Variants in CFDP1 observed in about 807,000 individuals in gnomAD.
CFDP1 encodes the protein chromatin remodeling protein CFDP1, also known as heterochromatin-stabilizing protein CFDP1.
CFDP1 carries 31 observed loss-of-function variants against 40.1 expected under a neutral mutation model. The observed-to-expected ratio is 0.77, with a 90% CI of 0.58 to 1.04. The LOEUF is 1.04. Among genes scored for constraint, CFDP1 ranks in the 50% least tolerant of loss-of-function variants. The probability of loss-of-function intolerance (pLI) is 0.00; values close to 1 mark genes in which losing one functional copy is unlikely to be tolerated. For synonymous variants in CFDP1, 167 were observed against 120.0 expected (o/e 1.39, Z -2.56); for missense variants, 423 against 343.4 (o/e 1.23, Z -1.83).
Position 75,310,135 on chromosome 16 carries a change from T to C in CFDP1, c.651-4953A>G, listed in dbSNP as rs145212247. ...CATTGCAACCACCTCCTCCTGAACA[T>C]CACATGACTTTGTTGACCTTACTAC... On this transcript the variant is annotated intron_variant, in intron 5 of 6. Coordinates refer to ENST00000283882, the MANE Select transcript of CFDP1 (RefSeq NM_006324.3). Among the ~76,000 whole-genome samples the C allele has an allele frequency of 3.7e-4, 57 of 152,310 alleles. 1 individual carries two copies. Among genetic ancestry groups the C allele is most frequent in the African/African-American group, 1.4e-3 (57 of 41,582 alleles).
intron 5 of CFDP1, among the ~76,000 whole-genome samples, chr16:75,370,845 G>C (rs1393640799): frequency 2.0e-5 from 3 of 152,110 alleles, no homozygotes. Flanking sequence ...CTGGGTGACA[G>C]AGCAAGACTG....
At chr16:75,346,577 T>C (rs2078566383) in intron 5 of CFDP1, among the ~76,000 whole-genome samples, 1 of 52,372 alleles carries the variant, frequency 1.9e-5, no homozygotes, top group Non-Finnish European at 3.3e-5. Flanking sequence ...AGCAAGACTC[T>C]GTCTCAAAAA....
intron 5 of CFDP1, among the ~76,000 whole-genome samples, chr16:75,324,478 A>C (rs1483420029): frequency 2.0e-5 from 3 of 152,180 alleles, no homozygotes; most frequent in Non-Finnish European, 2.9e-5. Flanking sequence ...GCGGTGGCTC[A>C]TGCCTGTAAT....
At chr16:75,399,114 G>C (rs1292034555) in intron 4 of CFDP1, among the ~76,000 whole-genome samples, 1 of 150,666 alleles carries the variant, frequency 6.6e-6, no homozygotes, top group Non-Finnish European at 1.5e-5. Context: ...CTTAGCCACT[G>C]TCTGATTACA....
At chr16:75,419,101 C>G (rs1419551486) in intron 1 of CFDP1, 1 of 383,892 alleles carries the variant, frequency 2.6e-6, no homozygotes, top group African/African-American at 2.1e-5. Flanking sequence ...AGGACGCCGA[C>G]TCATAAAAAA....
At chr16:75,374,895 G>T (rs2078780283) in intron 5 of CFDP1, among the ~76,000 whole-genome samples, 1 of 152,032 alleles carries the variant, frequency 6.6e-6, no homozygotes, top group Non-Finnish European at 1.5e-5. Context: ...CAGACTGGTG[G>T]CATTTCAAGT....
Position 75,395,980 on chromosome 16 carries a change from C to G in CFDP1, c.531-771G>C, listed in dbSNP as rs1286234020. Among the ~76,000 whole-genome samples, 2 of 113,610 alleles carry G rather than the reference C, an allele frequency of 1.8e-5. 1 individual carries two copies. Among genetic ancestry groups the G allele is most frequent in the Non-Finnish European group, 4.1e-5 (2 of 48,836 alleles). The allele number at this position is 113,610 out of a possible 152,430, so 74.5% of individuals were successfully genotyped here. A position where few individuals can be genotyped will look rare whatever the true frequency, so the allele number is the denominator to read the frequency against. On this transcript the variant is annotated intron_variant, in intron 4 of 6. Coordinates refer to ENST00000283882, the MANE Select transcript of CFDP1 (RefSeq NM_006324.3). ...TAGGCTTTCCAGGTTAACGAAAACA[C>G]CTGAGGAATGTTGTTTAAATGCAGT...
intron 6 of CFDP1, among the ~76,000 whole-genome samples, chr16:75,296,137 G>C (rs1183247758): frequency 6.6e-6 from 1 of 152,224 alleles, no homozygotes; most frequent in Non-Finnish European, 1.5e-5. Flanking sequence ...GGGTGTAAGA[G>C]GAATTTAGGG....
At chr16:75,418,551 C>T (rs985834689) in intron 1 of CFDP1, among the ~76,000 whole-genome samples, 4 of 151,940 alleles carry the variant, frequency 2.6e-5, no homozygotes, top group African/African-American at 7.2e-5. Context: ...CCTTGTGATC[C>T]GCCGACCTCG....
chr16:75,306,563 G>A (rs1200100926), intron 5 of CFDP1: 2 of 152,174 alleles, frequency 1.3e-5, no homozygotes, highest in African/African-American at 4.8e-5. Context: ...AGAATGGGCT[G>A]GGCAAGCTTC....
chr16:75,384,366 A>G (rs990786545), intron 5 of CFDP1, among the ~76,000 whole-genome samples: 8 of 152,206 alleles, frequency 5.3e-5, no homozygotes, highest in African/African-American at 1.9e-4. Context: ...ATCTCAAAAA[A>G]AAGAGAAAGA....
intron 6 of CFDP1, among the ~76,000 whole-genome samples, chr16:75,294,867 G>C (rs1332303016): frequency 6.6e-6 from 1 of 152,172 alleles, no homozygotes; most frequent in Non-Finnish European, 1.5e-5. Flanking sequence ...GGCAGGACGG[G>C]AAAGCAGCAA....
intron 5 of CFDP1, among the ~76,000 whole-genome samples, chr16:75,330,423 C>G (rs569031388): frequency 6.6e-5 from 10 of 152,274 alleles, no homozygotes; most frequent in African/African-American, 2.2e-4. Context: ...CCCATCTCTA[C>G]TAAAAATACA....
chr16:75,415,651 C>T (rs2151589844), intron 1 of CFDP1, among the ~76,000 whole-genome samples: 1 of 152,296 alleles, frequency 6.6e-6, no homozygotes, highest in Non-Finnish European at 1.5e-5. Context: ...TTCTTTTATT[C>T]AACATTATGT....
At chr16:75,348,406 C>G (rs1597346609) in intron 5 of CFDP1, among the ~76,000 whole-genome samples, 1 of 152,106 alleles carries the variant, frequency 6.6e-6, no homozygotes. Context: ...TACAACACTT[C>G]TGTAAATCTA....
At chr16:75,375,790 CA>C (rs564473644) in intron 5 of CFDP1, among the ~76,000 whole-genome samples, 128 of 125,614 alleles carry the variant, frequency 1.0e-3, no homozygotes, top group Admixed American at 1.0e-3. Context: ...GACTCCATCT[CA>C]AAAAAAAAAA....
chr16:75,338,601 C>G (rs1247685924), intron 5 of CFDP1, among the ~76,000 whole-genome samples: 1 of 152,194 alleles, frequency 6.6e-6, no homozygotes, highest in Non-Finnish European at 1.5e-5. Context: ...GAGCGTGCAG[C>G]TGCTCACTTT....
At chr16:75,394,861 G>T in intron 5 of CFDP1, 1 of 404,360 alleles carries the variant, frequency 2.5e-6, no homozygotes, top group Non-Finnish European at 4.5e-6. Context: ...GGGTCTTACT[G>T]TATTGCCCAG....
At position 75,348,146 on chromosome 16, in the gene CFDP1, C is replaced by T. The variant is rs1030103614; in HGVS notation, c.651-42964G>A. On this transcript the variant is annotated intron_variant, in intron 5 of 6. Transcript: ENST00000283882. The stretch of plus-strand genomic sequence containing the variant: ...TCTTTCTTTTTTAGAGACAAGGTCT[C>T]ACTTACTATGTTGCCCAGGCTGGAG... Among the ~76,000 whole-genome samples, 4 of 152,166 alleles carry T rather than the reference C, an allele frequency of 2.6e-5. No homozygotes were observed. In the South Asian group the frequency reaches 8.3e-4, roughly 31 times the overall value.
Sources: allele counts gnomAD v4.1 joint callset (sites outside exome capture counted in the v4.1 genomes callset), GRCh38; gene constraint gnomAD v4.1.1; transcripts MANE v1.5; gene names NCBI Gene and HGNC (gene_info 2026-07-23, HGNC 2026-07-21).